Variants in PDE7B observed in about 807,000 individuals in gnomAD.
PDE7B encodes the protein phosphodiesterase 7B.
Under a neutral mutation model 56.2 loss-of-function variants are expected in PDE7B, and 29 were observed. That is an observed-to-expected ratio of 0.52 (90% CI 0.38 to 0.70). The LOEUF (loss-of-function observed/expected upper bound fraction) is 0.70. Among genes scored for constraint, PDE7B ranks in the 30% least tolerant of loss-of-function variants. PDE7B has a pLI of 0.00. For missense variants in PDE7B, 490 were observed against 565.0 expected, an observed-to-expected ratio of 0.87 and a Z score of 1.35; for synonymous variants, 197 against 196.9, an observed-to-expected ratio of 1.00 and a Z score of 0.00.
chr6:135,923,632 A>G (rs555266133), intron 1 of PDE7B, among the ~76,000 whole-genome samples: 7 of 152,316 alleles, frequency 4.6e-5, no homozygotes, highest in East Asian at 3.8e-4. Context: ...TATAAAATAG[A>G]AAGAAATGAA....
intron 2 of PDE7B, among the ~76,000 whole-genome samples, chr6:136,047,713 A>G (rs1168753739): frequency 1.3e-5 from 2 of 152,222 alleles, no homozygotes; most frequent in South Asian, 2.1e-4. Flanking sequence ...GAAATAGAAG[A>G]AATTGAGACT....
intron 10 of PDE7B, 67 bp downstream of exon 10, chr6:136,179,208 G>A: frequency 1.4e-6 from 2 of 1,444,766 alleles, no homozygotes; most frequent in Non-Finnish European, 1.9e-6. Context: ...GGGTGTGGTG[G>A]CTCACATCTG....
chr6:136,184,587 T>C (rs1176516757), intron 11 of PDE7B, among the ~76,000 whole-genome samples: 1 of 152,152 alleles, frequency 6.6e-6, no homozygotes, highest in Non-Finnish European at 1.5e-5. Flanking sequence ...TAGAATGGAA[T>C]GGAAACCACT....
intron 2 of PDE7B, among the ~76,000 whole-genome samples, chr6:136,070,931 AC>A (rs1777040073): frequency 6.6e-6 from 1 of 152,024 alleles, no homozygotes; most frequent in Admixed American, 6.6e-5. Context: ...AATCTCCACC[AC>A]CCCATCAAGT....
chr6:136,023,507 C>T (rs181036812), intron 2 of PDE7B, among the ~76,000 whole-genome samples: 1 of 152,344 alleles, frequency 6.6e-6, no homozygotes, highest in East Asian at 1.9e-4. Flanking sequence ...TTTCTTCACT[C>T]CTCAACAGAG....
chr6:136,144,507 A>G (rs1406167418), intron 3 of PDE7B, among the ~76,000 whole-genome samples: 2 of 152,180 alleles, frequency 1.3e-5, no homozygotes, highest in East Asian at 1.9e-4. Context: ...TCAACATTCA[A>G]GTTTTGAAAG....
chr6:135,928,187 G>T (rs1056260022), intron 1 of PDE7B, among the ~76,000 whole-genome samples: 1 of 151,748 alleles, frequency 6.6e-6, no homozygotes, highest in African/African-American at 2.4e-5. Flanking sequence ...ACACACTGCT[G>T]GTGGGAATGT....
chr6:135,980,259 T>A (rs1775271709), intron 2 of PDE7B, among the ~76,000 whole-genome samples: 1 of 152,148 alleles, frequency 6.6e-6, no homozygotes, highest in Non-Finnish European at 1.5e-5. Context: ...TGAAACTGGA[T>A]CCCTTCCTTA....
chr6:136,168,830 T>A (rs912395532), intron 8 of PDE7B, among the ~76,000 whole-genome samples: 2 of 152,146 alleles, frequency 1.3e-5, no homozygotes, highest in Non-Finnish European at 2.9e-5. Flanking sequence ...AATGCAAGAA[T>A]TCCAATGTGG....
At chr6:135,884,118 T>A (rs980603564) in intron 1 of PDE7B, among the ~76,000 whole-genome samples, 1 of 152,338 alleles carries the variant, frequency 6.6e-6, no homozygotes, top group South Asian at 2.1e-4. Context: ...CCCACACATC[T>A]GCAGAGTTTG....
chr6:135,973,161 C>T (rs763623290), intron 2 of PDE7B, among the ~76,000 whole-genome samples: 8 of 151,072 alleles, frequency 5.3e-5, no homozygotes, highest in Admixed American at 1.3e-4. Context: ...TGGAAACCAC[C>T]GGTATTCTAC....
chr6:135,926,490 G>C (rs958078313), intron 1 of PDE7B, among the ~76,000 whole-genome samples: 4 of 137,270 alleles, frequency 2.9e-5, no homozygotes, highest in African/African-American at 1.2e-4. Flanking sequence ...ACTGCGGGTG[G>C]GGGGGGCTTA....
intron 2 of PDE7B, among the ~76,000 whole-genome samples, chr6:136,029,939 G>A (rs778564427): frequency 6.6e-6 from 1 of 152,100 alleles, no homozygotes; most frequent in Admixed American, 6.5e-5. Context: ...CATGTTAAAT[G>A]GCCACTCCTT....
At chr6:135,961,255 A>ATG (rs961322926) in intron 2 of PDE7B, among the ~76,000 whole-genome samples, 1,830 of 146,154 alleles carry the variant, frequency 0.013, 23 homozygotes, top group African/African-American at 0.034. Flanking sequence ...TAGAGTGTAT[A>ATG]TGTGTGTGTG....
In PDE7B at chr6:136,193,645, T is replaced by C. The variant is rs564810486; in HGVS notation, c.*1805T>C. ...TTTAAACAATGTGGTAGTGGGAGAA[T>C]GACTGTTTCTGCCACTATCAACCTG... On this transcript the variant is annotated 3_prime_UTR_variant, in exon 13 of 13. Transcript: ENST00000308191. 3 of 152,356 alleles carry C rather than the reference T, an allele frequency of 2.0e-5. No individual in the cohort carries two copies. Among genetic ancestry groups the C allele is most frequent in the African/African-American group, 7.2e-5 (3 of 41,586 alleles). The allele number at this position is 152,356 out of a possible 1,614,324, so 9.4% of individuals were successfully genotyped here. A position where few individuals can be genotyped will look rare whatever the true frequency, so the allele number is the denominator to read the frequency against.
At chr6:135,960,335 T>C (rs1774878403) in intron 2 of PDE7B, among the ~76,000 whole-genome samples, 1 of 152,216 alleles carries the variant, frequency 6.6e-6, no homozygotes, top group Non-Finnish European at 1.5e-5. Flanking sequence ...GCCATGTTTA[T>C]TTTGTTTACT....
At chr6:136,179,206 T>C in intron 10 of PDE7B, 65 bp downstream of exon 10, 1 of 1,483,768 alleles carries the variant, frequency 6.7e-7, no homozygotes, top group Non-Finnish European at 9.4e-7. Flanking sequence ...CTGGGTGTGG[T>C]GGCTCACATC....
At chr6:135,871,598 G>A (rs1025671684) in intron 1 of PDE7B, among the ~76,000 whole-genome samples, 3 of 152,170 alleles carry the variant, frequency 2.0e-5, no homozygotes, top group Admixed American at 6.6e-5. Context: ...CATAAATGTT[G>A]AATTGAGAAA....
chr6:136,054,053 A>C (rs540947883), intron 2 of PDE7B, among the ~76,000 whole-genome samples: 1 of 151,772 alleles, frequency 6.6e-6, no homozygotes, highest in East Asian at 1.9e-4. Flanking sequence ...GAAGCTCTTT[A>C]GTTTAATTAG....
Sources: allele counts gnomAD v4.1 joint callset (sites outside exome capture counted in the v4.1 genomes callset), GRCh38; gene constraint gnomAD v4.1.1; transcripts MANE v1.5; gene names NCBI Gene and HGNC (gene_info 2026-07-23, HGNC 2026-07-21).